The following UBE3C variants were observed in gnomAD, a reference collection of about 807,000 sequenced individuals.
UBE3C encodes ubiquitin-protein ligase E3C.
Under a neutral mutation model 129.4 loss-of-function variants are expected in UBE3C, and 42 were observed. The observed-to-expected ratio is 0.32, with a 90% CI of 0.25 to 0.42. UBE3C has a LOEUF of 0.42. Ranked by LOEUF, UBE3C falls within the 10% of genes least tolerant of loss-of-function variation. The pLI, the probability that UBE3C is intolerant of heterozygous loss-of-function variation, is 1.00. For missense variants in UBE3C, 1,049 were observed against 1,319.1 expected, an observed-to-expected ratio of 0.80 and a Z score of 3.17; for synonymous variants, 510 against 492.4, an observed-to-expected ratio of 1.04 and a Z score of -0.47.
At chr7:157,144,741 C>T (rs1807558719) in intron 1 of UBE3C, among the ~76,000 whole-genome samples, 1 of 151,992 alleles carries the variant, frequency 6.6e-6, no homozygotes, top group South Asian at 2.1e-4. Context: ...TACAATCAAG[C>T]AGAGGGTAGG....
rs370142937 is a variant in UBE3C at position 157,174,931 on chromosome 7, C to G, written c.355C>G (p.Gln119Glu). The change falls in exon 5 of 23, where the codon CAG becomes GAG. Residue 119 changes from glutamine to glutamate, a missense_variant. This residue lies in a region of UBE3C where 489 missense variants were observed against 513.8 expected (regional missense o/e 0.95). Transcript: ENST00000348165. Reference sequence around the variant, plus strand: ...TTTGCTGTTTCAGATATGGCTGTATCAGAACTTAATTAAACACAGCTCTCT... The same window carrying G: ...TTTGCTGTTTCAGATATGGCTGTATGAGAACTTAATTAAACACAGCTCTCT... Reference protein sequence around the residue: ...EDSKRLIWLYQNLIKHSSLFV... With the variant: ...EDSKRLIWLYENLIKHSSLFV... 1 of 1,608,912 alleles carries G rather than the reference C, an allele frequency of 6.2e-7. No homozygotes were observed. The highest frequency in any genetic ancestry group is 8.5e-7 in the Non-Finnish European group (1 of 1,177,826).
At chr7:157,248,290 T>C in intron 18 of UBE3C, 78 bp from the exon 19 acceptor site, 1 of 1,318,302 alleles carries the variant, frequency 7.6e-7, no homozygotes, top group South Asian at 1.3e-5. Context: ...GGGTTTAATA[T>C]CAAGTTGAGC....
intron 4 of UBE3C, among the ~76,000 whole-genome samples, chr7:157,171,327 C>T (rs1165769091): frequency 2.0e-5 from 3 of 151,712 alleles, no homozygotes; most frequent in African/African-American, 7.3e-5. Flanking sequence ...AGGGTTTCAC[C>T]ATGTTGGCCA....
chr7:157,211,849 A>T (rs116413497), intron 13 of UBE3C, among the ~76,000 whole-genome samples: 1 of 152,176 alleles, frequency 6.6e-6, no homozygotes, highest in Non-Finnish European at 1.5e-5. Context: ...ATCACCACGT[A>T]GTGAAGGAGA....
chr7:157,176,336 G>A lies in UBE3C; in HGVS notation c.458+1302G>A, dbSNP rs1200668745. 5.3e-5 allele frequency among the ~76,000 whole-genome samples: 8 copies of A among 152,146 alleles called. No individual in the cohort carries two copies. The East Asian group carries it at 5.8e-4, about 11-fold the overall frequency. On this transcript the variant is annotated intron_variant, in intron 5 of 22. Coordinates refer to ENST00000348165, the MANE Select transcript of UBE3C (RefSeq NM_014671.3). ...GTCACCCAGGCTGGAATGCAGTGGCGTGATCTCGGCTCACTGCAACCACTG... is the reference window on the plus strand; with the variant it reads ...GTCACCCAGGCTGGAATGCAGTGGCATGATCTCGGCTCACTGCAACCACTG...
chr7:157,220,578 GGGCCCAGCCCAC>G, intron 14 of UBE3C, 99 bp from the exon 15 acceptor site: 1 of 1,235,878 alleles, frequency 8.1e-7, no homozygotes. Flanking sequence ...GTCAGAGAGA[GGGCCCAGCCCAC>G]GGTAGAGAAA....
chr7:157,250,379 G>T (rs1796592771), intron 19 of UBE3C, among the ~76,000 whole-genome samples: 1 of 152,052 alleles, frequency 6.6e-6, no homozygotes, highest in Non-Finnish European at 1.5e-5. Context: ...TAGAGATAGT[G>T]TTGCCCTGTG....
intron 11 of UBE3C, 64 bp downstream of exon 11, chr7:157,201,871 A>G: frequency 7.2e-7 from 1 of 1,392,836 alleles, no homozygotes; most frequent in South Asian, 1.2e-5. Context: ...CTAATCAAAA[A>G]TGTTGCCAGA....
At chr7:157,216,227 C>T (rs778959891) in intron 13 of UBE3C, among the ~76,000 whole-genome samples, 1 of 151,988 alleles carries the variant, frequency 6.6e-6, no homozygotes, top group East Asian at 1.9e-4. Context: ...CCCCTAGTGC[C>T]GTTAGTACAT....
intron 18 of UBE3C, among the ~76,000 whole-genome samples, chr7:157,247,727 A>T (rs1796516126): frequency 6.6e-6 from 1 of 152,126 alleles, no homozygotes. Flanking sequence ...ATTTCTTGAC[A>T]TGTGAAAATC....
At chr7:157,242,827 C>T (rs1469452165) in intron 18 of UBE3C, among the ~76,000 whole-genome samples, 3 of 151,908 alleles carry the variant, frequency 2.0e-5, no homozygotes, top group Non-Finnish European at 4.4e-5. Flanking sequence ...GAGGCCAAGG[C>T]GGGAGAATCA....
chr7:157,162,597 T>C (rs1260459247), intron 1 of UBE3C, among the ~76,000 whole-genome samples: 1 of 151,632 alleles, frequency 6.6e-6, no homozygotes, highest in Non-Finnish European at 1.5e-5. Context: ...TGGAGAGTGG[T>C]AGCTCAATCC....
intron 18 of UBE3C, among the ~76,000 whole-genome samples, chr7:157,236,248 T>TTA (rs1554435759): frequency 1.3e-5 from 2 of 152,116 alleles, no homozygotes; most frequent in African/African-American, 4.8e-5. Context: ...AACTTTTTTT[T>TTA]ACAGATAGAA....
intron 22 of UBE3C, among the ~76,000 whole-genome samples, chr7:157,263,544 G>C (rs530048817): frequency 6.4e-4 from 97 of 152,050 alleles, no homozygotes; most frequent in South Asian, 3.7e-3. Context: ...GGCACATATA[G>C]TCCCAGCTAC....
At chr7:157,216,718 A>G in intron 13 of UBE3C, 149 bp from the exon 14 acceptor site, 1 of 643,636 alleles carries the variant, frequency 1.6e-6, no homozygotes, top group East Asian at 2.8e-5. Flanking sequence ...TGGCAAAAAG[A>G]AGCCCTTTTC....
At chr7:157,199,759 C>T (rs1247708742) in intron 10 of UBE3C, among the ~76,000 whole-genome samples, 2 of 152,166 alleles carry the variant, frequency 1.3e-5, no homozygotes, top group Non-Finnish European at 2.9e-5. Flanking sequence ...GCGTGATCCA[C>T]CAGGTCCAGC....
chr7:157,220,665 C>T (rs748720860), intron 14 of UBE3C, 24 bp from the exon 15 acceptor site: 3 of 1,613,844 alleles, frequency 1.9e-6, no homozygotes, highest in Non-Finnish European at 2.5e-6. Flanking sequence ...CAGGGGAGTT[C>T]TGAACCAGGA....
At chr7:157,223,039 ATAT>A (rs1420496382) in intron 15 of UBE3C, 1 of 489,962 alleles carries the variant, frequency 2.0e-6, no homozygotes, top group Non-Finnish European at 3.7e-6. Flanking sequence ...GACATCTTTA[ATAT>A]TCGATCAAGT....
At chr7:157,176,675 A>T (rs1445387098) in intron 5 of UBE3C, among the ~76,000 whole-genome samples, 1 of 152,186 alleles carries the variant, frequency 6.6e-6, no homozygotes, top group Non-Finnish European at 1.5e-5. Flanking sequence ...TGTGTGACAG[A>T]TGACTTTTAA....
Sources: allele counts gnomAD v4.1 joint callset (sites outside exome capture counted in the v4.1 genomes callset), GRCh38; gene constraint gnomAD v4.1.1; regional missense constraint gnomAD v4.1.1; transcripts MANE v1.5; gene names NCBI Gene and HGNC (gene_info 2026-07-23, HGNC 2026-07-21).